SLC7A2: variants seen among roughly 807,000 people sequenced by gnomAD.
SLC7A2 encodes cationic amino acid transporter 2.
SLC7A2 carries 48 observed loss-of-function variants against 58.9 expected under a neutral mutation model. The observed-to-expected ratio is 0.82, with a 90% CI of 0.65 to 1.04. SLC7A2 has a LOEUF of 1.04. Ranked by LOEUF, SLC7A2 falls within the 50% of genes least tolerant of loss-of-function variation. The pLI, the probability that SLC7A2 is intolerant of heterozygous loss-of-function variation, is 0.00. For synonymous variants in SLC7A2, 363 were observed against 314.5 expected (o/e 1.15, Z -1.63); for missense variants, 1,029 against 818.8 (o/e 1.26, Z -3.13).
chr8:17,498,914 G>T (rs78313762), intron 1 of SLC7A2: 2,237 of 152,364 alleles, frequency 0.015, 59 homozygotes, highest in East Asian at 0.089. Context: ...AGTTTAAAAA[G>T]CCTGATCTTG....
At chr8:17,507,975 G>C (rs1331395192) in intron 2 of SLC7A2, among the ~76,000 whole-genome samples, 2 of 152,096 alleles carry the variant, frequency 1.3e-5, no homozygotes, top group East Asian at 3.9e-4. Flanking sequence ...CAGAAAATGG[G>C]AAAATATAGT....
At chr8:17,550,624 AG>A (rs1446226529) in intron 6 of SLC7A2, among the ~76,000 whole-genome samples, 190 bp downstream of exon 6, 8 of 152,194 alleles carry the variant, frequency 5.3e-5, no homozygotes, top group African/African-American at 1.9e-4. Flanking sequence ...CTTGGTTTCC[AG>A]TTAGTAAGTT....
At chr8:17,540,243 T>C (rs1801853183) in intron 2 of SLC7A2, among the ~76,000 whole-genome samples, 1 of 152,180 alleles carries the variant, frequency 6.6e-6, no homozygotes, top group African/African-American at 2.4e-5. Flanking sequence ...CAAAATTAGT[T>C]CTGCATTGTG....
upstream of SLC7A2, among the ~76,000 whole-genome samples, chr8:17,495,919 A>G (rs573170691): frequency 1.3e-5 from 2 of 152,348 alleles, no homozygotes; most frequent in East Asian, 1.9e-4. Flanking sequence ...TGTGTGTGCT[A>G]TCTTCTGGAA....
chr8:17,560,627 G>A, intron 10 of SLC7A2, 94 bp downstream of exon 10: 2 of 1,072,180 alleles, frequency 1.9e-6, no homozygotes, highest in Non-Finnish European at 2.8e-6. Flanking sequence ...GCCTAACATT[G>A]CCCTAGAATA....
At chr8:17,499,153 T>A (rs892508413) in intron 1 of SLC7A2, 1 of 152,364 alleles carries the variant, frequency 6.6e-6, no homozygotes, top group Non-Finnish European at 1.5e-5. Context: ...GGAGTCCCCG[T>A]TGTGCCCATT....
intron 2 of SLC7A2, among the ~76,000 whole-genome samples, chr8:17,505,418 G>T (rs1800325288): frequency 1.3e-5 from 2 of 152,278 alleles, no homozygotes; most frequent in African/African-American, 2.4e-5. Flanking sequence ...AGGTAGATGT[G>T]GCAGTTGGGG....
At chr8:17,496,925 G>C (rs1463422221), upstream of SLC7A2, among the ~76,000 whole-genome samples, 1 of 151,712 alleles carries the variant, frequency 6.6e-6, no homozygotes, top group African/African-American at 2.4e-5. Context: ...GCTGAGCAGC[G>C]GCCGCACACC....
chr8:17,529,889 A>C (rs1389193925), intron 2 of SLC7A2, among the ~76,000 whole-genome samples: 3 of 152,056 alleles, frequency 2.0e-5, no homozygotes, highest in Admixed American at 2.0e-4. Context: ...AGGAATTTCA[A>C]CCTTCCCTTG....
intron 1 of SLC7A2, among the ~76,000 whole-genome samples, chr8:17,497,939 A>G (rs1800017716): frequency 6.6e-6 from 1 of 152,234 alleles, no homozygotes; most frequent in East Asian, 1.9e-4. Context: ...CTGTCCGTTC[A>G]GAAAGTACCT....
chr8:17,534,398 A>G (rs1481708225), intron 2 of SLC7A2, among the ~76,000 whole-genome samples: 1 of 152,212 alleles, frequency 6.6e-6, no homozygotes. Flanking sequence ...GACCCCTGTC[A>G]TCACAACGGA....
At chr8:17,563,782 C>A in intron 12 of SLC7A2, 71 bp downstream of exon 12, 2 of 877,316 alleles carry the variant, frequency 2.3e-6, no homozygotes, top group South Asian at 1.5e-5. Context: ...CCCTCTCCCC[C>A]ATCCTGGGAA....
At position 17,543,716 on chromosome 8, in the gene SLC7A2, G is replaced by A; in HGVS notation, c.376+1G>A. The stretch of plus-strand genomic sequence containing the variant: ...AATCTCATTTTATCGTATGTGATAG[G>A]TATGTTTCAAAAAGAAATCTAACTT... On this transcript the variant is annotated splice_donor_variant, in intron 3 of 12. Transcript: ENST00000494857. LOFTEE classifies it high-confidence loss of function. 6.6e-7 allele frequency: 1 copy of A among 1,514,174 alleles called. No homozygotes were observed. Among genetic ancestry groups the A allele is most frequent in the South Asian group, 1.3e-5 (1 of 74,246 alleles). 93.8% of individuals were successfully genotyped at this position (1,514,174 alleles called of 1,614,324 possible).
chr8:17,538,725 T>C (rs575841291), intron 2 of SLC7A2: 1 of 1,410,392 alleles, frequency 7.1e-7, no homozygotes, highest in Non-Finnish European at 9.7e-7. Context: ...AAAAACAGTA[T>C]GGTAAAGATC....
intron 1 of SLC7A2, among the ~76,000 whole-genome samples, chr8:17,498,446 T>C (rs1800033689): frequency 6.6e-6 from 1 of 152,238 alleles, no homozygotes; most frequent in Admixed American, 6.5e-5. Context: ...TTCTGTATTA[T>C]GTACCTTGTT....
At chr8:17,528,076 G>A (rs576779473) in intron 2 of SLC7A2, among the ~76,000 whole-genome samples, 5 of 152,096 alleles carry the variant, frequency 3.3e-5, no homozygotes, top group South Asian at 4.2e-4. Flanking sequence ...AGTGCAGAAC[G>A]CCCTGGGGCA....
In SLC7A2 at chr8:17,554,693, G is replaced by C. The variant is rs1034075369; in HGVS notation, c.1189G>C (p.Val397Leu). The C allele has an allele frequency of 1.9e-6, 3 of 1,610,138 alleles. No homozygotes were observed. The African/African-American group carries it at 4.0e-5, about 22-fold the overall frequency. The part of the protein sequence containing the change: ...PIIATLSSGA[V>L]AALMAFLFDL... ...AATTGCTACTTTATCATCGGGTGCA[G>C]TGGCAGGTGAGAGAGAGTTGACTTT... The change falls in exon 8 of 13, where the codon GTG becomes CTG. Residue 397 changes from valine to leucine, a missense_variant. Coordinates refer to ENST00000494857, the MANE Select transcript of SLC7A2 (RefSeq NM_001370338.1).
rs1803261367 is a variant in SLC7A2, at chr8:17,566,312, G to C, written c.*1166G>C. On this transcript the variant is annotated 3_prime_UTR_variant, in exon 13 of 13. Coordinates refer to ENST00000494857, the MANE Select transcript of SLC7A2 (RefSeq NM_001370338.1). ...CATCATGCAAAGAGGGAAAGATGAA[G>C]GGATAGAAGAAGAGAAAATCCCCCT... 6.6e-6 allele frequency: 1 copy of C among 152,154 alleles called. No individual in the cohort carries two copies. Among genetic ancestry groups the C allele is most frequent in the South Asian group, 2.1e-4 (1 of 4,830 alleles). The allele number at this position is 152,154 out of a possible 1,614,324, so 9.4% of individuals were successfully genotyped here. A position where few individuals can be genotyped will look rare whatever the true frequency, so the allele number is the denominator to read the frequency against.
Position 17,543,370 on chromosome 8 carries a change from G to C in SLC7A2, c.31G>C (p.Ala11Pro). 6.2e-7 allele frequency: 1 copy of C among 1,614,044 alleles called. No individual in the cohort carries two copies. Among genetic ancestry groups the C allele is most frequent in the Non-Finnish European group, 8.5e-7 (1 of 1,179,994 alleles). Residue 11 changes from alanine (A) to proline (P), a missense_variant, in exon 3 of 13, where the codon GCC becomes CCC. Coordinates refer to ENST00000494857, the MANE Select transcript of SLC7A2 (RefSeq NM_001370338.1). ...TCCTTGCAGAGCCGCGCTGACCTTT[G>C]CCCGATGTCTGATCCGGAGAAAAAT... MIPCRAALTF[A>P]RCLIRRKIVT...
Sources: gnomAD v4.1 joint callset for allele counts (sites outside exome capture counted in the v4.1 genomes callset) on GRCh38, gnomAD v4.1.1 for gene constraint, MANE v1.5 for transcripts, NCBI Gene and HGNC (gene_info 2026-07-23, HGNC 2026-07-21) for gene names.